USP15: variants seen among roughly 807,000 people sequenced by gnomAD.
The protein encoded by USP15 is ubiquitin specific peptidase 15.
USP15 carries 18 observed loss-of-function variants against 127.1 expected under a neutral mutation model. The observed-to-expected ratio is 0.14, with a 90% CI of 0.10 to 0.21. USP15 has a LOEUF of 0.21. Among genes scored for constraint, USP15 ranks in the 10% least tolerant of loss-of-function variants. The pLI is 1.00. For missense variants in USP15, 805 were observed against 1,159.9 expected, an observed-to-expected ratio of 0.69 and a Z score of 4.44; for synonymous variants, 364 against 393.7, an observed-to-expected ratio of 0.92 and a Z score of 0.89.
intron 3 of USP15, among the ~76,000 whole-genome samples, chr12:62,310,677 C>G (rs992464224): frequency 4.6e-5 from 7 of 151,868 alleles, no homozygotes; most frequent in Non-Finnish European, 7.4e-5. Context: ...GTAGATAGTG[C>G]TACAATAAAC....
At chr12:62,384,560 A>G (rs1394855197) in intron 11 of USP15, among the ~76,000 whole-genome samples, 1 of 151,592 alleles carries the variant, frequency 6.6e-6, no homozygotes, top group Non-Finnish European at 1.5e-5. Flanking sequence ...TATTTTTATA[A>G]TATTGGGGTG....
At chr12:62,282,046 G>T (rs2063663652) in intron 1 of USP15, among the ~76,000 whole-genome samples, 1 of 152,070 alleles carries the variant, frequency 6.6e-6, no homozygotes, top group Non-Finnish European at 1.5e-5. Context: ...TTAATTTATA[G>T]GCCAGGCACA....
intron 19 of USP15, among the ~76,000 whole-genome samples, chr12:62,395,720 T>G (rs2067469702): frequency 1.3e-5 from 2 of 151,922 alleles, no homozygotes; most frequent in Admixed American, 1.3e-4. Flanking sequence ...TTTTTTTATT[T>G]TTAGATCCCA....
At chr12:62,347,912 A>G (rs1041802249) in intron 6 of USP15, among the ~76,000 whole-genome samples, 1 of 152,200 alleles carries the variant, frequency 6.6e-6, no homozygotes, top group Non-Finnish European at 1.5e-5. Context: ...TTAAAAGTTA[A>G]ATTAGGCCTG....
intron 6 of USP15, among the ~76,000 whole-genome samples, chr12:62,330,242 A>G (rs1257070743): frequency 6.6e-6 from 1 of 152,020 alleles, no homozygotes; most frequent in Non-Finnish European, 1.5e-5. Context: ...ATTTCTATAG[A>G]TGAAGCAAGG....
intron 2 of USP15, among the ~76,000 whole-genome samples, chr12:62,302,232 T>C: frequency 6.6e-6 from 1 of 152,168 alleles, no homozygotes. Flanking sequence ...TTGATTTGCT[T>C]CTGAATTTCC....
rs1471056061 is a variant in USP15, at chr12:62,406,321, T to G, written c.*1946T>G. ...TATTTATTCATTAAACATATGTTTGTGTACCAATCACTGTTGTAGAGTCTG... is the reference window on the plus strand; with the variant it reads ...TATTTATTCATTAAACATATGTTTGGGTACCAATCACTGTTGTAGAGTCTG... On this transcript the variant is annotated 3_prime_UTR_variant, in exon 22 of 22. Coordinates refer to ENST00000280377, the MANE Select transcript of USP15 (RefSeq NM_001252078.2). The G allele has an allele frequency of 6.6e-6, 1 of 152,198 alleles. No individual in the cohort carries two copies. Among genetic ancestry groups the G allele is most frequent in the African/African-American group, 2.4e-5 (1 of 41,458 alleles). The allele number at this position is 152,198 out of a possible 1,614,324, so 9.4% of individuals were successfully genotyped here.
At chr12:62,303,512 T>C (rs1366923025) in intron 3 of USP15, 2 of 152,106 alleles carry the variant, frequency 1.3e-5, no homozygotes, top group Admixed American at 6.6e-5. Context: ...CTTACACATG[T>C]ATTTGATCAT....
chr12:62,327,761 A>G (rs980747521), intron 6 of USP15: 12 of 372,842 alleles, frequency 3.2e-5, no homozygotes, highest in Admixed American at 1.6e-4. Flanking sequence ...TACTCATGCA[A>G]TAAATATTGG....
Position 62,381,648 on chromosome 12 carries a change from C to T in USP15, c.1074C>T (p.Thr358=). The change falls in exon 9 of 22, where the codon ACC becomes ACT. Residue 358 remains threonine (T), a synonymous_variant. Transcript: ENST00000280377. ...QMWSGKFSYV[T]PRAFKTQVGR... is the part of the protein sequence containing the mutation. Reference sequence around the variant, plus strand: ...GGTCTGGAAAGTTTAGCTACGTCACCCCAAGAGCCTTTAAGGTTAGTGTGG... The same window carrying T: ...GGTCTGGAAAGTTTAGCTACGTCACTCCAAGAGCCTTTAAGGTTAGTGTGG... 2 of 1,610,660 alleles carry T rather than the reference C, an allele frequency of 1.2e-6. No homozygotes were observed. Among genetic ancestry groups the T allele is most frequent in the Non-Finnish European group, 1.7e-6 (2 of 1,177,952 alleles).
At chr12:62,358,453 G>T (rs527804137) in intron 8 of USP15, among the ~76,000 whole-genome samples, 8 of 152,236 alleles carry the variant, frequency 5.3e-5, no homozygotes, top group African/African-American at 1.9e-4. Flanking sequence ...GGTGACTCAT[G>T]CCTGTAATCC....
chr12:62,357,780 A>G (rs1316583775), intron 8 of USP15, among the ~76,000 whole-genome samples: 1 of 152,122 alleles, frequency 6.6e-6, no homozygotes, highest in Admixed American at 6.6e-5. Context: ...TAAAACTTCC[A>G]TGATTTTTAA....
At chr12:62,280,885 A>G (rs1180158317) in intron 1 of USP15, among the ~76,000 whole-genome samples, 1 of 152,190 alleles carries the variant, frequency 6.6e-6, no homozygotes, top group African/African-American at 2.4e-5. Context: ...GACAATGTTA[A>G]GCATTTTAGA....
At chr12:62,396,213 T>C (rs145068999) in intron 19 of USP15, 82 bp from the exon 20 acceptor site, 39 of 1,034,746 alleles carry the variant, frequency 3.8e-5, no homozygotes, top group Admixed American at 5.5e-5. Context: ...TATATGTATG[T>C]CAAACAACAA....
At chr12:62,281,099 A>T (rs1380929678) in intron 1 of USP15, among the ~76,000 whole-genome samples, 1 of 152,190 alleles carries the variant, frequency 6.6e-6, no homozygotes, top group African/African-American at 2.4e-5. Context: ...CTAGTATTTT[A>T]TCAGTTCAGA....
intron 7 of USP15, among the ~76,000 whole-genome samples, chr12:62,353,625 T>C (rs1292234964): frequency 3.3e-5 from 5 of 152,038 alleles, no homozygotes; most frequent in South Asian, 4.1e-4. Context: ...TTTTTTAAAA[T>C]AATATACAGC....
intron 20 of USP15, among the ~76,000 whole-genome samples, chr12:62,398,590 G>A (rs1270107220): frequency 6.6e-6 from 1 of 152,130 alleles, no homozygotes; most frequent in Non-Finnish European, 1.5e-5. Flanking sequence ...GTTTTCAAAT[G>A]TAGAGAGTTT....
intron 2 of USP15, among the ~76,000 whole-genome samples, chr12:62,297,293 A>G (rs918053852): frequency 2.6e-5 from 4 of 152,130 alleles, no homozygotes; most frequent in African/African-American, 9.7e-5. Context: ...AAGGAAGAGG[A>G]AAAGGAGTGG....
At chr12:62,323,017 C>T (rs566225905) in intron 5 of USP15, among the ~76,000 whole-genome samples, 116 of 152,234 alleles carry the variant, frequency 7.6e-4, no homozygotes, top group African/African-American at 1.9e-3. Context: ...CATCCCATAC[C>T]ATCATGTAGG....
Sources: gnomAD v4.1 joint callset for allele counts (sites outside exome capture counted in the v4.1 genomes callset) on GRCh38, gnomAD v4.1.1 for gene constraint, MANE v1.5 for transcripts, NCBI Gene and HGNC (gene_info 2026-07-23, HGNC 2026-07-21) for gene names.